SLC12A1: variants seen among roughly 807,000 people sequenced by gnomAD.
The protein encoded by SLC12A1 is Na-K-2Cl cotransporter.
In SLC12A1, 89 loss-of-function variants were observed where a neutral mutation model predicts 130.4. That is an observed-to-expected ratio of 0.68 (90% CI 0.58 to 0.81). The LOEUF (loss-of-function observed/expected upper bound fraction) is 0.81, where lower values mean the gene tolerates loss of function less well. SLC12A1 is among the 40% of genes least tolerant of loss of function. SLC12A1 has a pLI of 0.00. For synonymous variants in SLC12A1, 499 were observed against 460.0 expected (o/e 1.08, Z -1.09); for missense variants, 1,310 against 1,336.4 (o/e 0.98, Z 0.31).
At chr15:48,289,309 G>A (rs1243868071) in intron 23 of SLC12A1, among the ~76,000 whole-genome samples, 1 of 149,286 alleles carries the variant, frequency 6.7e-6, no homozygotes, top group Non-Finnish European at 1.5e-5. Flanking sequence ...AGCACTTCCA[G>A]AAGTCACAAA....
At chr15:48,208,208 T>C (rs758897903) in intron 2 of SLC12A1, 69 bp downstream of exon 2, 69 of 1,425,298 alleles carry the variant, frequency 4.8e-5, no homozygotes, top group Non-Finnish European at 6.3e-5. Context: ...TTCTCTTTCA[T>C]TACACTATGA....
intron 16 of SLC12A1, 21 bp from the exon 17 acceptor site, chr15:48,259,179 A>G (rs766257948): frequency 1.3e-6 from 2 of 1,503,704 alleles, no homozygotes; most frequent in East Asian, 4.5e-5. Context: ...GCTCATTTTC[A>G]CATCTTTTTT....
At chr15:48,218,075 A>G (rs997062715) in intron 2 of SLC12A1, 4 of 152,444 alleles carry the variant, frequency 2.6e-5, no homozygotes, top group East Asian at 1.9e-4. Context: ...CTTCCAAAGT[A>G]CTGGGATTAC....
At chr15:48,236,547 C>G (rs2141042326) in intron 9 of SLC12A1, among the ~76,000 whole-genome samples, 1 of 152,242 alleles carries the variant, frequency 6.6e-6, no homozygotes, top group Middle Eastern at 3.4e-3. Flanking sequence ...GAATATAACT[C>G]CATGAAAGTA....
chr15:48,291,724 G>T (rs915703447), intron 23 of SLC12A1, 54 bp from the exon 24 acceptor site: 13 of 1,099,222 alleles, frequency 1.2e-5, no homozygotes, highest in Middle Eastern at 2.0e-4. Context: ...AAAACTCTTT[G>T]ATTGAAAATA....
In SLC12A1 at chr15:48,279,657, A is replaced by T. The variant is rs770501228; in HGVS notation, c.2485+5004A>T. On this transcript the variant is annotated intron_variant, in intron 20 of 26. Coordinates refer to ENST00000380993, the MANE Select transcript of SLC12A1 (RefSeq NM_000338.3). ...TGATATTTCATACTGCTCACTTCCC[A>T]GAGGAATTTAGCAAGTTTTCCAACT... is the stretch of plus-strand genomic sequence containing the variant. 4.6e-5 allele frequency among the ~76,000 whole-genome samples: 7 copies of T among 152,220 alleles called. No individual in the cohort carries two copies. The East Asian group carries it at 1.3e-3, about 29-fold the overall frequency.
At chr15:48,240,147 A>C (rs2041499917) in intron 9 of SLC12A1, among the ~76,000 whole-genome samples, 1 of 145,944 alleles carries the variant, frequency 6.9e-6, no homozygotes, top group Admixed American at 6.9e-5. Flanking sequence ...AATTTTATAT[A>C]TACATATATA....
At chr15:48,297,069 A>T (rs1482607415) in intron 24 of SLC12A1, among the ~76,000 whole-genome samples, 1 of 152,224 alleles carries the variant, frequency 6.6e-6, no homozygotes, top group African/African-American at 2.4e-5. Flanking sequence ...ATTTCAGGGT[A>T]AGCTTGATCT....
At chr15:48,222,658 T>A (rs1339394148) in intron 4 of SLC12A1, 1 of 152,194 alleles carries the variant, frequency 6.6e-6, no homozygotes, top group Non-Finnish European at 1.5e-5. Context: ...AAACTTATTG[T>A]CAACCTTACT....
intron 7 of SLC12A1, among the ~76,000 whole-genome samples, chr15:48,231,249 TTGAG>T (rs1175979684): frequency 6.6e-6 from 1 of 152,238 alleles, no homozygotes; most frequent in Non-Finnish European, 1.5e-5. Context: ...CTACCACATG[TTGAG>T]CATTCTTCTA....
chr15:48,253,982 T>G (rs1014314143), intron 15 of SLC12A1, among the ~76,000 whole-genome samples: 1 of 152,232 alleles, frequency 6.6e-6, no homozygotes, highest in African/African-American at 2.4e-5. Context: ...CTTTCGCTCA[T>G]TTTTTAGTTG....
Position 48,208,104 on chromosome 15 carries a change from C to G in SLC12A1, c.385C>G (p.Pro129Ala). ...CATCAGTGGGCCCAAGGTCAACCGA[C>G]CCAGCCTGCTTGAGATTCACGAGCA... ...GSISGPKVNR[P>A]SLLEIHEQLA... is the part of the protein sequence containing the mutation. The change falls in exon 2 of 27, where the codon CCC becomes GCC. Residue 129 changes from proline (P) to alanine (A), a missense_variant. Physicochemically the swap from Pro to Ala is conservative, Grantham distance 27. Transcript: ENST00000380993. The G allele has an allele frequency of 6.2e-7, 1 of 1,601,472 alleles. No homozygotes were observed. The highest frequency in any genetic ancestry group is 2.2e-5 in the East Asian group (1 of 44,672).
At chr15:48,301,426 T>G in intron 26 of SLC12A1, 44 bp downstream of exon 26, 1 of 1,345,564 alleles carries the variant, frequency 7.4e-7, no homozygotes, top group South Asian at 1.3e-5. Context: ...AAATAAATCT[T>G]AGGGTTAATG....
At position 48,256,829 on chromosome 15, in the gene SLC12A1, C is replaced by CG. The variant is rs200595446; in HGVS notation, c.2042+919_2042+920insG. Reference sequence around the variant, plus strand: ...CATATCATTCCATCCCTGGCCCCCCCCCCCAAATTTCTTGTCCTCACATTT... The same window carrying CG: ...CATATCATTCCATCCCTGGCCCCCCCGCCCCAAATTTCTTGTCCTCACATTT... On this transcript the variant is annotated intron_variant, in intron 16 of 26. Transcript: ENST00000380993. 8.2e-3 allele frequency among the ~76,000 whole-genome samples: 1,208 copies of CG among 146,766 alleles called. 17 individuals carry two copies. The highest frequency in any genetic ancestry group is 0.021 in the Middle Eastern group (6 of 290).
chr15:48,228,070 G>A (rs927173074), intron 5 of SLC12A1: 2 of 152,070 alleles, frequency 1.3e-5, no homozygotes, highest in African/African-American at 2.4e-5. Flanking sequence ...TTGTCTTTAG[G>A]TATGTTGGTT....
chr15:48,214,249 A>T (rs2041091676), intron 2 of SLC12A1, among the ~76,000 whole-genome samples: 1 of 152,174 alleles, frequency 6.6e-6, no homozygotes. Flanking sequence ...GGGAGCTCAC[A>T]CTATTAAAAC....
At chr15:48,254,355 T>G (rs530189853) in intron 15 of SLC12A1, among the ~76,000 whole-genome samples, 1 of 150,500 alleles carries the variant, frequency 6.6e-6, no homozygotes, top group South Asian at 2.1e-4. Context: ...ACAAGTAGAG[T>G]TTTTATCCCT....
intron 2 of SLC12A1, among the ~76,000 whole-genome samples, chr15:48,213,900 A>C (rs188030040): frequency 1.9e-3 from 294 of 152,336 alleles, no homozygotes; most frequent in South Asian, 0.01. Flanking sequence ...ACAAACATTA[A>C]ACCACATAAA....
chr15:48,276,480 G>A (rs2041955462), intron 20 of SLC12A1, among the ~76,000 whole-genome samples: 1 of 152,136 alleles, frequency 6.6e-6, no homozygotes, highest in South Asian at 2.1e-4. Flanking sequence ...TATTACTGAT[G>A]TCCTTATAAG....
Sources: gnomAD v4.1 joint callset for allele counts (sites outside exome capture counted in the v4.1 genomes callset) on GRCh38, gnomAD v4.1.1 for gene constraint, MANE v1.5 for transcripts, NCBI Gene and HGNC (gene_info 2026-07-23, HGNC 2026-07-21) for gene names.